OCA2: variants seen among roughly 807,000 people sequenced by gnomAD.
OCA2 encodes the protein P protein.
OCA2 carries 77 observed loss-of-function variants against 100.2 expected under a neutral mutation model. That is an observed-to-expected ratio of 0.77 (90% CI 0.64 to 0.93). The LOEUF is 0.93. OCA2 is among the 40% of genes least tolerant of loss of function. OCA2 has a pLI of 0.00. For missense variants in OCA2, 1,062 were observed against 1,089.1 expected (o/e 0.98, Z 0.35); for synonymous variants, 432 against 439.2 (o/e 0.98, Z 0.21).
At chr15:28,094,279 G>A (rs2044927245) in intron 1 of OCA2, among the ~76,000 whole-genome samples, 1 of 152,156 alleles carries the variant, frequency 6.6e-6, no homozygotes, top group South Asian at 2.1e-4. Flanking sequence ...GCACTCTCAC[G>A]GGAACCACAG....
intron 19 of OCA2, among the ~76,000 whole-genome samples, chr15:27,925,553 A>G (rs573268940): frequency 1.3e-5 from 2 of 152,340 alleles, no homozygotes; most frequent in South Asian, 2.1e-4. Context: ...AGCACGTTAC[A>G]TGTTAAATTG....
At chr15:27,868,764 A>G (rs2036427314) in intron 21 of OCA2, among the ~76,000 whole-genome samples, 1 of 152,208 alleles carries the variant, frequency 6.6e-6, no homozygotes, top group African/African-American at 2.4e-5. Flanking sequence ...TATGGAGATG[A>G]TGCATGCGTT....
chr15:27,760,734 A>T (rs1420268003), intron 23 of OCA2, among the ~76,000 whole-genome samples: 2 of 152,092 alleles, frequency 1.3e-5, no homozygotes. Flanking sequence ...CTAGAATGAA[A>T]TAATTTAAAT....
intron 21 of OCA2, among the ~76,000 whole-genome samples, chr15:27,852,131 C>A (rs1030641013): frequency 1.3e-5 from 2 of 152,176 alleles, no homozygotes; most frequent in Admixed American, 1.3e-4. Context: ...ACCTTTCTGA[C>A]GTTGATGCAC....
intron 9 of OCA2, among the ~76,000 whole-genome samples, chr15:28,012,194 A>G (rs555954249): frequency 6.6e-6 from 1 of 152,356 alleles, no homozygotes; most frequent in Admixed American, 6.5e-5. Flanking sequence ...ATAATATCCA[A>G]CATTATCATC....
chr15:27,783,380 G>A (rs1264632957), intron 23 of OCA2, among the ~76,000 whole-genome samples: 2 of 152,022 alleles, frequency 1.3e-5, no homozygotes, highest in Non-Finnish European at 2.9e-5. Flanking sequence ...TCCCATTCAG[G>A]GCTTCCAACC....
the OCA2 span, among the ~76,000 whole-genome samples, chr15:27,726,730 T>C: frequency 6.6e-6 from 1 of 152,210 alleles, no homozygotes; most frequent in African/African-American, 2.4e-5. Context: ...TGTGCACATG[T>C]ACCCTAGAAC....
At chr15:27,832,147 C>T (rs946511013) in intron 23 of OCA2, among the ~76,000 whole-genome samples, 6 of 152,158 alleles carry the variant, frequency 3.9e-5, no homozygotes, top group African/African-American at 9.7e-5. Flanking sequence ...CTCTAAACTG[C>T]GCCTGCACCT....
chr15:28,016,918 AAC>A (rs373807161), intron 7 of OCA2, among the ~76,000 whole-genome samples: 3 of 152,174 alleles, frequency 2.0e-5, no homozygotes, highest in African/African-American at 7.2e-5. Flanking sequence ...GGAGGCAACA[AAC>A]CCACCCCCAG....
At chr15:27,889,794 G>A (rs1044965757) in intron 19 of OCA2, among the ~76,000 whole-genome samples, 3 of 152,206 alleles carry the variant, frequency 2.0e-5, no homozygotes, top group South Asian at 2.1e-4. Flanking sequence ...GCTCTAACTG[G>A]TCCATGGACA....
At chr15:27,738,400 T>A in the OCA2 span, among the ~76,000 whole-genome samples, 1 of 152,114 alleles carries the variant, frequency 6.6e-6, no homozygotes, top group Non-Finnish European at 1.5e-5. Flanking sequence ...AAAACAAGAC[T>A]GACACACAGC....
chr15:27,749,386 T>G, the OCA2 span, among the ~76,000 whole-genome samples: 1 of 152,120 alleles, frequency 6.6e-6, no homozygotes, highest in African/African-American at 2.4e-5. Context: ...AGAATGAAGG[T>G]GAAATGAAAC....
intron 19 of OCA2, among the ~76,000 whole-genome samples, chr15:27,905,415 A>C (rs2703983): frequency 0.63 from 96,312 of 152,070 alleles, 31,129 homozygotes; most frequent in East Asian, 0.96. Flanking sequence ...CTGTCCCAGC[A>C]ACAAAGCTTT....
intron 2 of OCA2, among the ~76,000 whole-genome samples, chr15:28,072,614 T>C (rs955041818): frequency 4.8e-5 from 6 of 124,970 alleles, no homozygotes; most frequent in Admixed American, 7.8e-5. Flanking sequence ...AAAAAACAAG[T>C]AACCCCATTA....
intron 23 of OCA2, chr15:27,776,729 C>T (rs2032240246): frequency 6.6e-6 from 1 of 152,316 alleles, no homozygotes; most frequent in Non-Finnish European, 1.5e-5. Flanking sequence ...CATCCCAGAA[C>T]ACGGCTCCAG....
At chr15:27,810,675 GA>G (rs371807777) in intron 23 of OCA2, among the ~76,000 whole-genome samples, 57 of 152,034 alleles carry the variant, frequency 3.7e-4, no homozygotes, top group African/African-American at 8.0e-4. Flanking sequence ...AAATCTGCAA[GA>G]AAAAAACAAA....
chr15:27,938,347 C>T (rs558846305), intron 18 of OCA2, among the ~76,000 whole-genome samples: 1 of 152,212 alleles, frequency 6.6e-6, no homozygotes, highest in Non-Finnish European at 1.5e-5. Context: ...CACCCTGTCT[C>T]ACCAGGCGGC....
In OCA2 at chr15:27,894,946, T is replaced by C. The variant is rs12438631; in HGVS notation, c.2080-23024A>G. ...TCTCACCTTTTGCCTGGACCTTGCA[T>C]ATTTAAGGTTGGATTGTGACATATA... On this transcript the variant is annotated intron_variant, in intron 19 of 23. Coordinates refer to ENST00000354638, the MANE Select transcript of OCA2 (RefSeq NM_000275.3). Among the ~76,000 whole-genome samples the C allele has an allele frequency of 1.0e-3, 152 of 152,310 alleles. 1 individual carries two copies. The highest frequency in any genetic ancestry group is 9.2e-3 in the Admixed American group (140 of 15,296).
rs367759615 is a variant in OCA2 at position 28,032,035 on chromosome 15, T to C, written c.326+30A>G. On this transcript the variant is annotated intron_variant, in intron 3 of 23. Coordinates refer to ENST00000354638, the MANE Select transcript of OCA2 (RefSeq NM_000275.3). ...GCCAGGTGCAATGCTCAGAAACTCTTACTTTCATATGAGGGGGAAAATATC... is the reference window on the plus strand; with the variant it reads ...GCCAGGTGCAATGCTCAGAAACTCTCACTTTCATATGAGGGGGAAAATATC... 7 of 1,552,416 alleles carry C rather than the reference T, an allele frequency of 4.5e-6. 1 individual carries two copies. The African/African-American group carries it at 6.8e-5, about 15-fold the overall frequency.
Sources: allele counts gnomAD v4.1 joint callset (sites outside exome capture counted in the v4.1 genomes callset), GRCh38; gene constraint gnomAD v4.1.1; transcripts MANE v1.5; gene names NCBI Gene and HGNC (gene_info 2026-07-23, HGNC 2026-07-21).